The following ZNF609 variants were observed in gnomAD, a reference collection of about 807,000 sequenced individuals.
ZNF609 encodes the protein zinc finger protein 609.
In ZNF609, 11 loss-of-function variants were observed where a neutral mutation model predicts 109.5. The ratio of observed to expected loss-of-function variants is 0.10; its 90% CI spans 0.06 to 0.17. The LOEUF (loss-of-function observed/expected upper bound fraction) is 0.17. ZNF609 is among the 10% of genes least tolerant of loss of function. The pLI, the probability that ZNF609 is intolerant of heterozygous loss-of-function variation, is 1.00. For synonymous variants in ZNF609, 646 were observed against 662.0 expected, an observed-to-expected ratio of 0.98 and a Z score of 0.37; for missense variants, 1,559 against 1,772.4, an observed-to-expected ratio of 0.88 and a Z score of 2.16.
chr15:64,646,384 A>T (rs1355890332), intron 3 of ZNF609, among the ~76,000 whole-genome samples: 1 of 152,022 alleles, frequency 6.6e-6, no homozygotes, highest in Non-Finnish European at 1.5e-5. Context: ...TAATCCTAGC[A>T]CTTTGGGAGG....
intron 2 of ZNF609, among the ~76,000 whole-genome samples, chr15:64,530,570 G>T (rs554176586): frequency 6.6e-6 from 1 of 152,124 alleles, no homozygotes; most frequent in Non-Finnish European, 1.5e-5. Flanking sequence ...AATATTAGTA[G>T]GGATTCAATA....
chr15:64,539,865 G>A (rs1312130611), intron 2 of ZNF609, among the ~76,000 whole-genome samples: 1 of 150,576 alleles, frequency 6.6e-6, no homozygotes, highest in Non-Finnish European at 1.5e-5. Flanking sequence ...TCAAACTCCT[G>A]ACCCCAGATG....
chr15:64,683,479 G>A lies in ZNF609; in HGVS notation c.*1793G>A, dbSNP rs1038217438. ...TTTCTGCCTCCTCGTTTTTGTTCAA[G>A]TTGGGTTCTGAGTCCTCCCCAAAAA... is the stretch of plus-strand genomic sequence containing the variant. On this transcript the variant is annotated 3_prime_UTR_variant, in exon 10 of 10. Coordinates refer to ENST00000326648, the MANE Select transcript of ZNF609 (RefSeq NM_015042.2). 6.5e-6 allele frequency: 1 copy of A among 152,728 alleles called. No individual in the cohort carries two copies. Among genetic ancestry groups the A allele is most frequent in the African/African-American group, 2.4e-5 (1 of 41,446 alleles). The allele number at this position is 152,728 out of a possible 1,614,324, so 9.5% of individuals were successfully genotyped here.
chr15:64,626,320 A>G (rs1380042827), intron 3 of ZNF609, among the ~76,000 whole-genome samples: 2 of 152,158 alleles, frequency 1.3e-5, no homozygotes, highest in Admixed American at 6.6e-5. Flanking sequence ...ATTCCTTTTC[A>G]TCTTCAGGTA....
intron 3 of ZNF609, among the ~76,000 whole-genome samples, chr15:64,655,097 A>AG (rs1224331737): frequency 1.3e-5 from 2 of 149,040 alleles, no homozygotes; most frequent in Non-Finnish European, 3.0e-5. Flanking sequence ...CTCCATCTCA[A>AG]AAAAAAAAAA....
intron 2 of ZNF609, among the ~76,000 whole-genome samples, chr15:64,598,755 T>C (rs968503930): frequency 5.1e-5 from 6 of 118,372 alleles, no homozygotes; most frequent in Admixed American, 4.1e-4. Context: ...TATATATATA[T>C]ATATATATAT....
chr15:64,547,409 G>A lies in ZNF609; in HGVS notation c.747+47243G>A, dbSNP rs148631630. Among the ~76,000 whole-genome samples, 223 of 152,270 alleles carry A rather than the reference G, an allele frequency of 1.5e-3. 2 individuals carry two copies. Among genetic ancestry groups the A allele is most frequent in the African/African-American group, 5.1e-3 (214 of 41,558 alleles). The stretch of plus-strand genomic sequence containing the variant: ...GCATGCATGTTAGGATGACATAATT[G>A]AAGTAAACCATGAATATAAAGTGGA... On this transcript the variant is annotated intron_variant, in intron 2 of 9. Coordinates refer to ENST00000326648, the MANE Select transcript of ZNF609 (RefSeq NM_015042.2).
intron 2 of ZNF609, among the ~76,000 whole-genome samples, chr15:64,606,238 C>A (rs534091927): frequency 6.6e-6 from 1 of 150,664 alleles, no homozygotes; most frequent in Admixed American, 6.6e-5. Context: ...CTCAGCCTTA[C>A]GGGTCTGCAA....
chr15:64,558,122 T>C (rs1894620237), intron 2 of ZNF609, among the ~76,000 whole-genome samples: 1 of 152,148 alleles, frequency 6.6e-6, no homozygotes, highest in African/African-American at 2.4e-5. Flanking sequence ...TAATATAGTT[T>C]CTCATAAATT....
intron 2 of ZNF609, among the ~76,000 whole-genome samples, chr15:64,601,597 A>G (rs754484013): frequency 1.8e-4 from 27 of 152,248 alleles, no homozygotes; most frequent in Admixed American, 2.6e-4. Flanking sequence ...TCTGTCTGAC[A>G]TAGCACCTTG....
At chr15:64,579,371 T>C (rs1482390501) in intron 2 of ZNF609, among the ~76,000 whole-genome samples, 1 of 150,014 alleles carries the variant, frequency 6.7e-6, no homozygotes, top group African/African-American at 2.5e-5. Flanking sequence ...GATTGTTCCA[T>C]TGCTCTACAG....
intron 3 of ZNF609, among the ~76,000 whole-genome samples, chr15:64,642,927 C>T (rs1896284661): frequency 6.6e-6 from 1 of 152,130 alleles, no homozygotes; most frequent in African/African-American, 2.4e-5. Context: ...TGGTCTAATT[C>T]TTTCTAGTTT....
intron 1 of ZNF609, among the ~76,000 whole-genome samples, chr15:64,478,155 G>GTGTGT (rs1555414000): frequency 7.2e-6 from 1 of 138,196 alleles, no homozygotes; most frequent in African/African-American, 2.7e-5. Flanking sequence ...TTAGAATAAA[G>GTGTGT]GTGTGTGTGT....
chr15:64,536,909 C>CAA (rs1567008101), intron 2 of ZNF609, among the ~76,000 whole-genome samples: 2 of 40,168 alleles, frequency 5.0e-5, no homozygotes, highest in African/African-American at 1.1e-4. Context: ...GACCCTGTCT[C>CAA]AAAAAAGAAA....
intron 2 of ZNF609, among the ~76,000 whole-genome samples, chr15:64,614,485 G>A (rs914004646): frequency 3.3e-5 from 5 of 151,700 alleles, no homozygotes; most frequent in African/African-American, 9.7e-5. Flanking sequence ...CGCCTGCCTC[G>A]GCCTCCCAAA....
At chr15:64,570,105 CT>C (rs2140412788) in intron 2 of ZNF609, among the ~76,000 whole-genome samples, 1 of 152,318 alleles carries the variant, frequency 6.6e-6, no homozygotes, top group South Asian at 2.1e-4. Flanking sequence ...AGTGATCCCC[CT>C]GCCTTAACTT....
At chr15:64,624,309 A>G (rs763213703) in intron 3 of ZNF609, among the ~76,000 whole-genome samples, 3 of 152,216 alleles carry the variant, frequency 2.0e-5, no homozygotes, top group Admixed American at 6.5e-5. Context: ...ACAATATACA[A>G]TCTGAAAATC....
chr15:64,464,291 C>G (rs1824718716), intron 1 of ZNF609, among the ~76,000 whole-genome samples: 1 of 152,202 alleles, frequency 6.6e-6, no homozygotes, highest in African/African-American at 2.4e-5. Context: ...ACACTATTGC[C>G]TGAGCTTAGC....
At chr15:64,554,824 T>TGG (rs756713091) in intron 2 of ZNF609, among the ~76,000 whole-genome samples, 157 of 151,998 alleles carry the variant, frequency 1.0e-3, no homozygotes, top group Non-Finnish European at 1.9e-3. Context: ...CGGCCAGGTG[T>TGG]GGTGGCTCAC....
Sources: allele counts gnomAD v4.1 joint callset (sites outside exome capture counted in the v4.1 genomes callset), GRCh38; gene constraint gnomAD v4.1.1; transcripts MANE v1.5; gene names NCBI Gene and HGNC (gene_info 2026-07-23, HGNC 2026-07-21).